The following KIAA1217 variants were observed in gnomAD, a reference collection of about 807,000 sequenced individuals.
KIAA1217 encodes KIAA1217.
In KIAA1217, 88 loss-of-function variants were observed where a neutral mutation model predicts 163.9. That is an observed-to-expected ratio of 0.54 (90% CI 0.45 to 0.64). The LOEUF (loss-of-function observed/expected upper bound fraction) is 0.64, where lower values mean the gene tolerates loss of function less well. KIAA1217 is among the 30% of genes least tolerant of loss of function. The pLI is 0.00. For synonymous variants in KIAA1217, 903 were observed against 923.1 expected (o/e 0.98, Z 0.39); for missense variants, 2,372 against 2,475.0 (o/e 0.96, Z 0.88).
Position 24,390,475 on chromosome 10 carries a change from G to GGGAGGGAAGGAAGGAAGGAAGGCAGGAA in KIAA1217, c.553+9411_553+9412insGGGAAGGAAGGAAGGAAGGCAGGAAGGA, listed in dbSNP as rs1554843363. On this transcript the variant is annotated intron_variant, in intron 3 of 20. Coordinates refer to ENST00000376454, the MANE Select transcript of KIAA1217 (RefSeq NM_019590.5). ...GGGGAAAAAAGGAGGGAGGGAGGGA[G>GGGAGGGAAGGAAGGAAGGAAGGCAGGAA]GGAAGGAAGGAAGGAAGGAAGGAAG... is the stretch of plus-strand genomic sequence containing the variant. Among the ~76,000 whole-genome samples the GGGAGGGAAGGAAGGAAGGAAGGCAGGAA allele has an allele frequency of 8.9e-4, 95 of 107,208 alleles. 5 individuals carry two copies. The highest frequency in any genetic ancestry group is 3.7e-3 in the African/African-American group (90 of 24,552). 70.3% of individuals were successfully genotyped at this position (107,208 alleles called of 152,430 possible).
intron 2 of KIAA1217, among the ~76,000 whole-genome samples, chr10:24,318,959 G>A (rs896048775): frequency 2.4e-4 from 36 of 152,214 alleles, no homozygotes; most frequent in Non-Finnish European, 1.6e-4. Context: ...CTGGGTGCAC[G>A]GTTTGGGAGC....
At chr10:23,910,800 C>T in intron 1 of KIAA1217, among the ~76,000 whole-genome samples, 1 of 152,122 alleles carries the variant, frequency 6.6e-6, no homozygotes, top group South Asian at 2.1e-4. Flanking sequence ...AACAAGCTGG[C>T]CAAGAGGGAA....
At chr10:23,893,392 A>C (rs1006143655) in intron 1 of KIAA1217, among the ~76,000 whole-genome samples, 5 of 151,288 alleles carry the variant, frequency 3.3e-5, no homozygotes, top group African/African-American at 1.2e-4. Context: ...TTTCTTCTTT[A>C]TTAGTCTTGC....
chr10:23,906,001 G>A (rs1842146650), intron 1 of KIAA1217, among the ~76,000 whole-genome samples: 1 of 152,044 alleles, frequency 6.6e-6, no homozygotes, highest in Non-Finnish European at 1.5e-5. Context: ...GACTGGTGAG[G>A]GCCCCTGTCT....
intron 4 of KIAA1217, among the ~76,000 whole-genome samples, chr10:24,434,335 G>A (rs940031976): frequency 6.6e-6 from 1 of 151,976 alleles, no homozygotes; most frequent in African/African-American, 2.4e-5. Flanking sequence ...CACCATGCCT[G>A]GCCTCATCTC....
chr10:24,114,724 A>T (rs113731656), intron 2 of KIAA1217, among the ~76,000 whole-genome samples: 12 of 152,312 alleles, frequency 7.9e-5, no homozygotes, highest in African/African-American at 1.7e-4. Flanking sequence ...GAAAAACACA[A>T]ATCAGTTCAC....
chr10:24,521,573 C>T lies in KIAA1217; in HGVS notation c.2309-209C>T, dbSNP rs560868247. On this transcript the variant is annotated intron_variant, in intron 11 of 20. Transcript: ENST00000376454. ...ATTGGCTTTATCCCAAATACACAGA[C>T]AGGAAACAGGCCTAGAGGAGCTTTA... Among the ~76,000 whole-genome samples the T allele has an allele frequency of 5.3e-5, 8 of 152,256 alleles. No homozygotes were observed. The East Asian group carries it at 1.5e-3, about 29-fold the overall frequency.
At chr10:24,324,339 G>A (rs2044582827) in intron 2 of KIAA1217, among the ~76,000 whole-genome samples, 1 of 152,146 alleles carries the variant, frequency 6.6e-6, no homozygotes, top group Admixed American at 6.5e-5. Flanking sequence ...GGCCAAGGTG[G>A]GTGGATCGCT....
intron 1 of KIAA1217, among the ~76,000 whole-genome samples, chr10:23,958,276 T>C (rs1393165244): frequency 6.6e-6 from 1 of 152,186 alleles, no homozygotes; most frequent in Non-Finnish European, 1.5e-5. Context: ...CATAAGGTGC[T>C]GTAGCAGACT....
chr10:24,130,773 C>T (rs115556957), intron 2 of KIAA1217, among the ~76,000 whole-genome samples: 1 of 152,208 alleles, frequency 6.6e-6, no homozygotes, highest in African/African-American at 2.4e-5. Context: ...AATATGTGTT[C>T]AGTACCATAT....
At chr10:24,503,864 A>G (rs1044068902) in intron 9 of KIAA1217, among the ~76,000 whole-genome samples, 3 of 152,080 alleles carry the variant, frequency 2.0e-5, no homozygotes, top group Non-Finnish European at 2.9e-5. Context: ...TTACCTCCTC[A>G]TTGCGCCCTT....
At chr10:24,092,924 TG>T (rs1223984261) in intron 2 of KIAA1217, among the ~76,000 whole-genome samples, 11 of 132,298 alleles carry the variant, frequency 8.3e-5, no homozygotes, top group East Asian at 3.9e-4. Context: ...TGTGTGTGTG[TG>T]TGTTGTGTGT....
chr10:24,009,989 G>A (rs139333366), intron 2 of KIAA1217, among the ~76,000 whole-genome samples: 2,039 of 152,144 alleles, frequency 0.013, 24 homozygotes, highest in Middle Eastern at 0.051. Context: ...GCATAGATAA[G>A]ACTTTTGATC....
intron 2 of KIAA1217, among the ~76,000 whole-genome samples, chr10:24,194,976 C>T (rs2130489840): frequency 6.6e-6 from 1 of 152,044 alleles, no homozygotes; most frequent in Non-Finnish European, 1.5e-5. Context: ...CAGTCTTATC[C>T]CTCCATGCTC....
At chr10:24,381,512 G>C (rs1026543393) in intron 3 of KIAA1217, among the ~76,000 whole-genome samples, 4 of 152,192 alleles carry the variant, frequency 2.6e-5, no homozygotes, top group Admixed American at 2.6e-4. Context: ...CATAGGAGCT[G>C]AACCCTATTA....
rs1311049087 is a variant in KIAA1217, at chr10:24,177,274, T to TTA, written c.-170-42352_-170-42351insTA. Among the ~76,000 whole-genome samples, 2 of 98,942 alleles carry TTA rather than the reference T, an allele frequency of 2.0e-5. 1 individual carries two copies. The highest frequency in any genetic ancestry group is 7.6e-4 in the South Asian group (2 of 2,640). The allele number at this position is 98,942 out of a possible 152,430, so 64.9% of individuals were successfully genotyped here. A position where few individuals can be genotyped will look rare whatever the true frequency, so the allele number is the denominator to read the frequency against. On this transcript the variant is annotated intron_variant, in intron 2 of 18. Transcript: ENST00000376462. ...TCTCACCATCATATATATATATATA[T>TTA]ATATATATATATATATATATATATT... is the stretch of plus-strand genomic sequence containing the variant.
In KIAA1217 at chr10:24,457,420, C is replaced by T. The variant is rs566059007; in HGVS notation, c.847-15808C>T. Among the ~76,000 whole-genome samples the T allele has an allele frequency of 3.3e-5, 5 of 151,002 alleles. No homozygotes were observed. The East Asian group carries it at 9.7e-4, about 29-fold the overall frequency. On this transcript the variant is annotated intron_variant, in intron 5 of 20. Coordinates refer to ENST00000376454, the MANE Select transcript of KIAA1217 (RefSeq NM_019590.5). ...ACAGGATCGTATTCTGTCACCCAGG[C>T]TGGAGTGCAGTGGTATAATCATAGC...
chr10:24,441,628 G>A lies in KIAA1217; in HGVS notation c.846+3149G>A, dbSNP rs576482650. 7.2e-5 allele frequency among the ~76,000 whole-genome samples: 11 copies of A among 152,186 alleles called. No individual in the cohort carries two copies. In the East Asian group the frequency reaches 1.6e-3, roughly 21 times the overall value. ...GCTAGTCTGTCTAAGGAGACTTGTGGTTCTCGGCTGGAACTCAGCATACCT... is the reference window on the plus strand; with the variant it reads ...GCTAGTCTGTCTAAGGAGACTTGTGATTCTCGGCTGGAACTCAGCATACCT... On this transcript the variant is annotated intron_variant, in intron 5 of 20. Coordinates refer to ENST00000376454, the MANE Select transcript of KIAA1217 (RefSeq NM_019590.5).
At chr10:24,480,941 C>T (rs1367122622) in intron 6 of KIAA1217, among the ~76,000 whole-genome samples, 1 of 152,166 alleles carries the variant, frequency 6.6e-6, no homozygotes, top group African/African-American at 2.4e-5. Context: ...GGCAAAAAGA[C>T]AAGCTAGGTT....
Sources: gnomAD v4.1 joint callset for allele counts (sites outside exome capture counted in the v4.1 genomes callset) on GRCh38, gnomAD v4.1.1 for gene constraint, MANE v1.5 for transcripts, NCBI Gene and HGNC (gene_info 2026-07-23, HGNC 2026-07-21) for gene names.